Variants in SLC45A4 observed in about 807,000 individuals in gnomAD.
SLC45A4 encodes polyamine-transporter SLC45A4.
SLC45A4 carries 32 observed loss-of-function variants against 63.7 expected under a neutral mutation model. The observed-to-expected ratio is 0.50, with a 90% CI of 0.38 to 0.67. The LOEUF (loss-of-function observed/expected upper bound fraction) is 0.67, where lower values mean the gene tolerates loss of function less well. Among genes scored for constraint, SLC45A4 ranks in the 30% least tolerant of loss-of-function variants. SLC45A4 has a pLI of 0.00. For missense variants in SLC45A4, 1,027 were observed against 1,157.7 expected (o/e 0.89, Z 1.64); for synonymous variants, 535 against 510.0 (o/e 1.05, Z -0.66).
intron 1 of SLC45A4, among the ~76,000 whole-genome samples, chr8:141,290,313 G>A (rs1467624106): frequency 3.3e-5 from 5 of 151,874 alleles, no homozygotes; most frequent in African/African-American, 1.2e-4. Context: ...AAGGCCCCAA[G>A]TGCCGCAGCT....
intron 5 of SLC45A4, 133 bp from the exon 6 acceptor site, chr8:141,217,322 A>G: frequency 1.1e-6 from 1 of 887,126 alleles, no homozygotes; most frequent in Non-Finnish European, 1.7e-6. Context: ...ATCCAGGAGG[A>G]GAGCCCAGCC....
At chr8:141,302,807 C>T (rs998796132) in intron 1 of SLC45A4, among the ~76,000 whole-genome samples, 1 of 152,162 alleles carries the variant, frequency 6.6e-6, no homozygotes, top group South Asian at 2.1e-4. Context: ...GCGATTTCAT[C>T]TCCAGCGTGG....
chr8:141,228,283 G>T, intron 2 of SLC45A4: 2 of 1,612,048 alleles, frequency 1.2e-6, no homozygotes, highest in Non-Finnish European at 1.7e-6. Flanking sequence ...TGCTGTCCCT[G>T]CCGCCCTGTG....
chr8:141,230,669 C>G (rs11782278), intron 2 of SLC45A4, among the ~76,000 whole-genome samples: 6 of 152,014 alleles, frequency 3.9e-5, no homozygotes, highest in Non-Finnish European at 5.9e-5. Flanking sequence ...GGGGACAGTC[C>G]GGCCGCTGCC....
intron 2 of SLC45A4, among the ~76,000 whole-genome samples, chr8:141,239,594 A>ACG (rs1555571148): frequency 1.4e-4 from 21 of 151,850 alleles, no homozygotes; most frequent in Admixed American, 3.9e-4. Context: ...ACACACACAC[A>ACG]CACACGCACG....
At chr8:141,230,598 A>C (rs1278410939) in intron 2 of SLC45A4, among the ~76,000 whole-genome samples, 1 of 152,230 alleles carries the variant, frequency 6.6e-6, no homozygotes, top group Non-Finnish European at 1.5e-5. Context: ...CGCCAGGAGC[A>C]GCGCCCAGGC....
chr8:141,301,941 GAC>G (rs1830759034), intron 1 of SLC45A4, among the ~76,000 whole-genome samples: 1 of 151,870 alleles, frequency 6.6e-6, no homozygotes, highest in Admixed American at 6.6e-5. Context: ...CAGCCTGGGT[GAC>G]AGAGGGAAAC....
chr8:141,249,182 C>T (rs965600186), intron 2 of SLC45A4, among the ~76,000 whole-genome samples: 1 of 152,078 alleles, frequency 6.6e-6, no homozygotes, highest in African/African-American at 2.4e-5. Context: ...AAGATGGTAC[C>T]GTCACCCTGG....
intron 2 of SLC45A4, among the ~76,000 whole-genome samples, chr8:141,246,362 T>G (rs1828193997): frequency 6.6e-6 from 1 of 152,066 alleles, no homozygotes; most frequent in South Asian, 2.1e-4. Flanking sequence ...CTCTGCGGGG[T>G]GGCTCTGGTT....
At chr8:141,228,218 C>T (rs1656669592) in intron 2 of SLC45A4, 2 of 1,614,014 alleles carry the variant, frequency 1.2e-6, no homozygotes, top group African/African-American at 1.3e-5. Context: ...AGTGGACTCA[C>T]AAGGGTCTTT....
intron 1 of SLC45A4, 31 bp downstream of exon 1, chr8:141,308,065 G>C (rs1168978019): frequency 6.6e-6 from 1 of 151,880 alleles, no homozygotes; most frequent in African/African-American, 2.4e-5. Flanking sequence ...GGGGCGGCGG[G>C]GCAGGCGGCT....
At chr8:141,282,767 C>A (rs186483733) in intron 1 of SLC45A4, among the ~76,000 whole-genome samples, 1 of 152,232 alleles carries the variant, frequency 6.6e-6, no homozygotes, top group Non-Finnish European at 1.5e-5. Context: ...GTCTGCCGTG[C>A]GCCTCCAGTG....
chr8:141,235,832 T>C (rs1356113356), intron 2 of SLC45A4, among the ~76,000 whole-genome samples: 1 of 152,200 alleles, frequency 6.6e-6, no homozygotes, highest in Non-Finnish European at 1.5e-5. Flanking sequence ...CCAGGCGTGG[T>C]GGCTCACGCC....
intron 7 of SLC45A4, among the ~76,000 whole-genome samples, chr8:141,213,501 A>C (rs1210720552): frequency 6.6e-6 from 1 of 152,282 alleles, no homozygotes; most frequent in African/African-American, 2.4e-5. Context: ...CAAAATAGAA[A>C]TCGTAATGAA....
chr8:141,300,253 C>A (rs1292949759), intron 1 of SLC45A4, among the ~76,000 whole-genome samples: 3 of 152,208 alleles, frequency 2.0e-5, no homozygotes, highest in African/African-American at 7.2e-5. Flanking sequence ...ACACCAGAGA[C>A]CCCAGGTCCG....
chr8:141,221,808 G>T, intron 2 of SLC45A4, 43 bp from the exon 3 acceptor site: 3 of 1,589,954 alleles, frequency 1.9e-6, no homozygotes, highest in African/African-American at 1.3e-5. Context: ...GGCACTGGCC[G>T]GGCTCTGCCA....
chr8:141,218,785 G>A lies in SLC45A4; in HGVS notation c.855C>T (p.Asp285=), dbSNP rs563329640. The change falls in exon 5 of 9, where the codon GAC becomes GAT. Residue 285 remains aspartate (D), a synonymous_variant. Transcript: ENST00000517878. ...CCAGCTCGTGCTCCGACTGTACCTC[G>A]TCTGGGAAGGCAGGGACGCCGTGCG... ...GEPHGVPAFP[D]EVQSEHELAL... The A allele has an allele frequency of 3.0e-5, 49 of 1,613,238 alleles. No homozygotes were observed. Among genetic ancestry groups the A allele is most frequent in the South Asian group, 6.6e-5 (6 of 91,076 alleles).
At chr8:141,306,986 TG>T (rs1180920487) in intron 1 of SLC45A4, among the ~76,000 whole-genome samples, 2 of 152,172 alleles carry the variant, frequency 1.3e-5, no homozygotes, top group African/African-American at 4.8e-5. Context: ...AGGTATCAGA[TG>T]GGGGTCAGTG....
At chr8:141,281,944 C>T (rs182248548) in intron 1 of SLC45A4, among the ~76,000 whole-genome samples, 13 of 151,944 alleles carry the variant, frequency 8.6e-5, no homozygotes, top group African/African-American at 2.9e-4. Flanking sequence ...AACGCCAGGA[C>T]GCGTGGTGGC....
Sources: gnomAD v4.1 joint callset for allele counts (sites outside exome capture counted in the v4.1 genomes callset) on GRCh38, gnomAD v4.1.1 for gene constraint, MANE v1.5 for transcripts, NCBI Gene and HGNC (gene_info 2026-07-23, HGNC 2026-07-21) for gene names.